The following CENPW variants were observed in gnomAD, a reference collection of about 807,000 sequenced individuals.
CENPW encodes cancer-up-regulated gene 2 protein.
A neutral mutation model predicts 11.1 loss-of-function variants in CENPW; 3 were observed. That is an observed-to-expected ratio of 0.27 (90% confidence interval 0.12 to 0.70). The LOEUF (loss-of-function observed/expected upper bound fraction) is 0.70, where lower values mean the gene tolerates loss of function less well. CENPW is among the 30% of genes least tolerant of loss of function. The pLI, the probability that CENPW is intolerant of heterozygous loss-of-function variation, is 0.77. For synonymous variants in CENPW, 38 were observed against 42.0 expected (o/e 0.91, Z 0.37); for missense variants, 100 against 105.6 (o/e 0.95, Z 0.23).
chr6:126,365,862 C>T, the CENPW span, among the ~76,000 whole-genome samples: 3 of 152,184 alleles, frequency 2.0e-5, no homozygotes, highest in Non-Finnish European at 4.4e-5. Context: ...TGTGACAGTG[C>T]ATTTTCTCTC....
chr6:126,457,215 A>G, the CENPW span, among the ~76,000 whole-genome samples: 2 of 151,400 alleles, frequency 1.3e-5, no homozygotes, highest in African/African-American at 2.4e-5. Flanking sequence ...GGGAGTATAT[A>G]CCAATAAAGG....
At chr6:126,405,967 CT>C in the CENPW span, among the ~76,000 whole-genome samples, 1 of 151,902 alleles carries the variant, frequency 6.6e-6, no homozygotes, top group African/African-American at 2.4e-5. Flanking sequence ...TCCTATTTCT[CT>C]GGTTAGGACT....
chr6:126,372,885 A>G, the CENPW span, among the ~76,000 whole-genome samples: 8 of 152,332 alleles, frequency 5.3e-5, no homozygotes, highest in East Asian at 7.7e-4. Flanking sequence ...TACGAGTAAT[A>G]TAGATTCTAT....
chr6:126,353,799 G>A (rs1329695374), downstream of CENPW, among the ~76,000 whole-genome samples: 1 of 151,728 alleles, frequency 6.6e-6, no homozygotes, highest in African/African-American at 2.4e-5. Context: ...CTGTCTTTTA[G>A]TTTGGCTATT....
the CENPW span, among the ~76,000 whole-genome samples, chr6:126,441,736 G>A: frequency 6.6e-6 from 1 of 151,536 alleles, no homozygotes; most frequent in Admixed American, 6.6e-5. Flanking sequence ...TACCTCACTT[G>A]GAATAATTGT....
At chr6:126,367,029 G>A in the CENPW span, among the ~76,000 whole-genome samples, 1 of 152,072 alleles carries the variant, frequency 6.6e-6, no homozygotes. Flanking sequence ...CTGTTGTACT[G>A]GAGATTAAAT....
At chr6:126,403,815 T>C in the CENPW span, among the ~76,000 whole-genome samples, 3 of 152,090 alleles carry the variant, frequency 2.0e-5, no homozygotes, top group East Asian at 1.9e-4. Context: ...TGAAGTTTGT[T>C]ACACTAAACA....
the CENPW span, among the ~76,000 whole-genome samples, chr6:126,385,499 T>C: frequency 3.3e-5 from 5 of 152,092 alleles, no homozygotes; most frequent in African/African-American, 1.2e-4. Context: ...AATGAGGAAA[T>C]ATATTACTTA....
the CENPW span, among the ~76,000 whole-genome samples, chr6:126,370,591 A>C: frequency 2.0e-5 from 3 of 152,110 alleles, no homozygotes; most frequent in Non-Finnish European, 4.4e-5. Context: ...TAGCAGAGCT[A>C]CTGATTTGTG....
the CENPW span, among the ~76,000 whole-genome samples, chr6:126,395,551 A>G: frequency 6.6e-6 from 1 of 152,108 alleles, no homozygotes; most frequent in Admixed American, 6.5e-5. Flanking sequence ...TGCCTTATTT[A>G]GTTTCTTTGA....
At chr6:126,372,060 A>G in the CENPW span, among the ~76,000 whole-genome samples, 5 of 150,804 alleles carry the variant, frequency 3.3e-5, no homozygotes, top group Non-Finnish European at 5.9e-5. Flanking sequence ...TATCTTTTAT[A>G]TTGTTATTTT....
At chr6:126,381,626 C>T in the CENPW span, among the ~76,000 whole-genome samples, 3 of 152,306 alleles carry the variant, frequency 2.0e-5, no homozygotes, top group African/African-American at 4.8e-5. Context: ...CACCCTCTAG[C>T]ACCCTGCCGC....
the CENPW span, among the ~76,000 whole-genome samples, chr6:126,374,140 T>G: frequency 6.6e-6 from 1 of 152,100 alleles, no homozygotes; most frequent in Admixed American, 6.6e-5. Flanking sequence ...TATGCAAAAA[T>G]GTACTGGTAG....
chr6:126,412,436 T>A, the CENPW span, among the ~76,000 whole-genome samples: 1 of 152,170 alleles, frequency 6.6e-6, no homozygotes, highest in African/African-American at 2.4e-5. Flanking sequence ...TTACTGGTAT[T>A]TGTTTGTATG....
the CENPW span, among the ~76,000 whole-genome samples, chr6:126,412,887 C>T: frequency 1.3e-5 from 2 of 152,086 alleles, no homozygotes; most frequent in Non-Finnish European, 2.9e-5. Flanking sequence ...TTTGTTAACA[C>T]AGAGCTGGGG....
the CENPW span, among the ~76,000 whole-genome samples, chr6:126,475,334 C>T: frequency 6.6e-6 from 1 of 151,852 alleles, no homozygotes; most frequent in African/African-American, 2.4e-5. Context: ...ATGAATACCC[C>T]ATTCTTCATG....
chr6:126,407,581 A>G, the CENPW span, among the ~76,000 whole-genome samples: 1 of 152,072 alleles, frequency 6.6e-6, no homozygotes, highest in Non-Finnish European at 1.5e-5. Context: ...TTTCTCCGCA[A>G]CCTTGCCAGC....
the CENPW span, among the ~76,000 whole-genome samples, chr6:126,460,975 C>T: frequency 2.0e-5 from 3 of 151,844 alleles, no homozygotes; most frequent in Non-Finnish European, 4.4e-5. Context: ...TTCTGTATTC[C>T]CAGTTCTTAA....
At chr6:126,385,565 G>T in the CENPW span, among the ~76,000 whole-genome samples, 1 of 152,090 alleles carries the variant, frequency 6.6e-6, no homozygotes, top group Non-Finnish European at 1.5e-5. Context: ...TAGGCTTTGT[G>T]TCCCCACCCA....
Sources: allele counts gnomAD v4.1 joint callset (sites outside exome capture counted in the v4.1 genomes callset), GRCh38; gene constraint gnomAD v4.1.1; transcripts MANE v1.5; gene names NCBI Gene and HGNC (gene_info 2026-07-23, HGNC 2026-07-21).